Variants in IDS observed in about 807,000 individuals in gnomAD.
IDS encodes the protein iduronate 2-sulfatase, also known as alpha-L-iduronate sulfate sulfatase.
IDS carries 1 observed loss-of-function variant against 33.5 expected under a neutral mutation model. The ratio of observed to expected loss-of-function variants is 0.03; its 90% CI spans 0.01 to 0.14. The LOEUF (loss-of-function observed/expected upper bound fraction) is 0.14. IDS is among the 10% of genes least tolerant of loss of function. IDS has a pLI of 1.00. For synonymous variants in IDS, 191 were observed against 184.4 expected (o/e 1.04, Z -0.29); for missense variants, 328 against 448.0 (o/e 0.73, Z 2.42).
At chrX:149,503,724 G>T (rs1832929354) in intron 2 of IDS, among the ~76,000 whole-genome samples, 2 of 112,147 alleles carry the variant, frequency 1.8e-5, no homozygotes, top group East Asian at 2.8e-4. Flanking sequence ...CTCCTCCTAC[G>T]CAATGGCCTC....
At chrX:149,489,013 A>G (rs1557338460) in intron 7 of IDS, among the ~76,000 whole-genome samples, 2 of 111,279 alleles carry the variant, frequency 1.8e-5, no homozygotes, top group African/African-American at 6.6e-5. Context: ...TGCAGAAACC[A>G]GCATGTTTTA....
At chrX:149,486,263 C>T (rs909999811) in intron 8 of IDS, among the ~76,000 whole-genome samples, 2 of 111,593 alleles carry the variant, frequency 1.8e-5, no homozygotes, top group African/African-American at 3.3e-5. Context: ...GACAACCACG[C>T]GTCTAAACAC....
At chrX:149,497,216 A>C in intron 5 of IDS, among the ~76,000 whole-genome samples, 1 of 112,124 alleles carries the variant, frequency 8.9e-6, no homozygotes, top group African/African-American at 3.2e-5. Context: ...ATCAACCATA[A>C]TGTTTGTCTA....
At chrX:149,483,418 A>T (rs1163836632) in intron 8 of IDS, among the ~76,000 whole-genome samples, 200 bp from the exon 9 acceptor site, 1 of 111,822 alleles carries the variant, frequency 8.9e-6, no homozygotes, top group Non-Finnish European at 1.9e-5. Context: ...AAATAGCAGG[A>T]TGCAAAATTA....
In IDS at chrX:149,485,819, C is replaced by G. The variant is rs149989097; in HGVS notation, c.1180+1106G>C. On this transcript the variant is annotated intron_variant, in intron 8 of 8. Transcript: ENST00000340855. ...CCTTGAAACTGTTTAACCTTTCTAT[C>G]AATGACATGAAAGAAGACAGGACAT... 5.5e-3 allele frequency among the ~76,000 whole-genome samples: 613 copies of G among 112,071 alleles called. 6 individuals are homozygous for G. The highest frequency in any genetic ancestry group is 0.019 in the African/African-American group (582 of 30,758).
rs2089294852 is a variant in IDS at position 149,481,250 on chromosome X, C to T, written c.*1496G>A. Reference sequence around the variant, plus strand: ...ACGAGCTTCAGGATCAGGAAATGAACAGGGCCCTTCAGTCACGGAGAAGTC... The same window carrying T: ...ACGAGCTTCAGGATCAGGAAATGAATAGGGCCCTTCAGTCACGGAGAAGTC... On this transcript the variant is annotated 3_prime_UTR_variant, in exon 9 of 9. Transcript: ENST00000340855. 1 of 112,335 alleles carries T rather than the reference C, an allele frequency of 8.9e-6. No homozygotes were observed. The highest frequency in any genetic ancestry group is 3.7e-4 in the South Asian group (1 of 2,705). 9.3% of individuals were successfully genotyped at this position (112,335 alleles called of 1,213,427 possible).
At chrX:149,485,647 C>G (rs957654167) in intron 8 of IDS, among the ~76,000 whole-genome samples, 6 of 111,911 alleles carry the variant, frequency 5.4e-5, no homozygotes, top group Admixed American at 9.5e-5. Flanking sequence ...GGAAAAGACA[C>G]AGCTAGAGAT....
chrX:149,490,671 C>T, intron 6 of IDS, among the ~76,000 whole-genome samples: 1 of 112,482 alleles, frequency 8.9e-6, no homozygotes, highest in African/African-American at 3.2e-5. Flanking sequence ...CTAAGCAAAT[C>T]AGATTTCACT....
chrX:149,504,663 GAGA>G (rs2089509217), intron 1 of IDS, among the ~76,000 whole-genome samples: 2 of 108,890 alleles, frequency 1.8e-5, no homozygotes, highest in African/African-American at 6.7e-5. Context: ...AAAGGATGGA[GAGA>G]AGGAGGGGAG....
chrX:149,498,170 T>C lies in IDS; in HGVS notation c.645A>G (p.Ser215=). ...CAACGGCCAGGAAGAAAGGACTGGC[T>C]GACGTTTTCATCTTTTCCAACAACT... ...AIQLLEKMKT[S]ASPFFLAVGY... Residue 215 remains serine (S), a synonymous_variant, in exon 5 of 9, where the codon TCA becomes TCG. Transcript: ENST00000340855. 1.7e-6 allele frequency: 2 copies of C among 1,211,882 alleles called. No homozygotes were observed. The highest frequency in any genetic ancestry group is 2.2e-6 in the Non-Finnish European group (2 of 895,385).
chrX:149,485,755 CAGA>C (rs782037915), intron 8 of IDS, among the ~76,000 whole-genome samples: 7 of 112,325 alleles, frequency 6.2e-5, no homozygotes, highest in Non-Finnish European at 1.1e-4. Context: ...CTCAACCAAT[CAGA>C]AGATCTTTCC....
intron 7 of IDS, chrX:149,487,383 T>A: frequency 1.3e-6 from 1 of 795,666 alleles, no homozygotes; most frequent in East Asian, 3.2e-5. Flanking sequence ...AACATATACC[T>A]AACGTAGGAC....
rs1229716038 is a variant in IDS, at chrX:149,482,142, T to C, written c.*604A>G. ...TAATTACTTCATACATATTTTATCTTGAGATTATGAAATCCCATGGTCTTA... is the reference window on the plus strand; with the variant it reads ...TAATTACTTCATACATATTTTATCTCGAGATTATGAAATCCCATGGTCTTA... On this transcript the variant is annotated 3_prime_UTR_variant, in exon 9 of 9. Transcript: ENST00000340855. 1.8e-5 allele frequency: 2 copies of C among 112,473 alleles called. No individual in the cohort carries two copies. Among genetic ancestry groups the C allele is most frequent in the African/African-American group, 3.2e-5 (1 of 30,968 alleles). 9.3% of individuals were successfully genotyped at this position (112,473 alleles called of 1,213,427 possible).
chrX:149,490,902 T>C (rs2089385559), intron 6 of IDS, among the ~76,000 whole-genome samples: 1 of 112,065 alleles, frequency 8.9e-6, no homozygotes, highest in Non-Finnish European at 1.9e-5. Flanking sequence ...TGTATCACTG[T>C]GTCTCCATCT....
At chrX:149,501,409 G>A (rs994857668) in intron 3 of IDS, among the ~76,000 whole-genome samples, 10 of 112,092 alleles carry the variant, frequency 8.9e-5, no homozygotes, top group Non-Finnish European at 5.6e-5. Flanking sequence ...GAAGGTATGT[G>A]ACTTACCTAT....
chrX:149,482,586 T>C lies in IDS; in HGVS notation c.*160A>G, dbSNP rs185589028. Reference sequence around the variant, plus strand: ...TAAAGACTAAACGAAAAGGTTTGGCTGTTACATATTCTCAGGCCAAATTGT... The same window carrying C: ...TAAAGACTAAACGAAAAGGTTTGGCCGTTACATATTCTCAGGCCAAATTGT... On this transcript the variant is annotated 3_prime_UTR_variant, in exon 9 of 9. Transcript: ENST00000340855. 1.1e-3 allele frequency: 905 copies of C among 799,966 alleles called. No homozygotes were observed. The highest frequency in any genetic ancestry group is 1.1e-3 in the Non-Finnish European group (650 of 569,135). The allele number at this position is 799,966 out of a possible 1,213,427, so 65.9% of individuals were successfully genotyped here. A position where few individuals can be genotyped will look rare whatever the true frequency, so the allele number is the denominator to read the frequency against.
chrX:149,496,588 G>A, intron 5 of IDS, 72 bp from the exon 6 acceptor site: 2 of 1,054,999 alleles, frequency 1.9e-6, no homozygotes, highest in Non-Finnish European at 1.3e-6. Flanking sequence ...CTCTATCACT[G>A]TCTATACTGC....
rs2089304063 is a variant in IDS at position 149,482,872 on chromosome X, T to C, written c.1527A>G (p.Glu509=). The C allele has an allele frequency of 1.7e-6, 2 of 1,211,644 alleles. No individual in the cohort carries two copies. The highest frequency in any genetic ancestry group is 3.5e-5 in the African/African-American group (2 of 57,764). ...GGATGTCAGAAAAGTTAGCTAGAAA[T>C]TCATCAGGATTGAAGCCAACCCACA... is the stretch of plus-strand genomic sequence containing the variant. ...YTVWVGFNPD[E]FLANFSDIHA... is the part of the protein sequence containing the mutation. The change falls in exon 9 of 9, where the codon GAA becomes GAG. Residue 509 remains glutamate (E), a synonymous_variant. Transcript: ENST00000340855.
rs2089334459 is a variant in IDS at position 149,486,279 on chromosome X, T to C, written c.1180+646A>G. ...ACAACCACGCGTCTAAACACTACCTTGTGACGAATGGTTGAAGGGCTGGGG... is the reference window on the plus strand; with the variant it reads ...ACAACCACGCGTCTAAACACTACCTCGTGACGAATGGTTGAAGGGCTGGGG... On this transcript the variant is annotated intron_variant, in intron 8 of 8. Coordinates refer to ENST00000340855, the MANE Select transcript of IDS (RefSeq NM_000202.8). Among the ~76,000 whole-genome samples the C allele has an allele frequency of 2.7e-5, 3 of 111,440 alleles. No homozygotes were observed. The Admixed American group carries it at 2.8e-4, about 11-fold the overall frequency.
Sources: gnomAD v4.1 joint callset for allele counts (sites outside exome capture counted in the v4.1 genomes callset) on GRCh38, gnomAD v4.1.1 for gene constraint, MANE v1.5 for transcripts, NCBI Gene and HGNC (gene_info 2026-07-23, HGNC 2026-07-21) for gene names.